Variants in PRKCA observed in about 807,000 individuals in gnomAD.
The protein encoded by PRKCA is protein kinase C alpha type.
PRKCA carries 27 observed loss-of-function variants against 87.0 expected under a neutral mutation model. That is an observed-to-expected ratio of 0.31 (90% CI 0.23 to 0.43). The LOEUF (loss-of-function observed/expected upper bound fraction) is 0.43. Ranked by LOEUF, PRKCA falls within the 20% of genes least tolerant of loss-of-function variation. The pLI is 1.00. For synonymous variants in PRKCA, 329 were observed against 311.1 expected, an observed-to-expected ratio of 1.06 and a Z score of -0.61; for missense variants, 518 against 852.3, an observed-to-expected ratio of 0.61 and a Z score of 4.88.
intron 8 of PRKCA, among the ~76,000 whole-genome samples, chr17:66,726,726 T>C (rs936362120): frequency 2.0e-5 from 3 of 149,634 alleles, no homozygotes; most frequent in Non-Finnish European, 1.5e-5. Context: ...AGGACCACTG[T>C]CTTTTTTTTT....
intron 5 of PRKCA, among the ~76,000 whole-genome samples, chr17:66,683,452 C>T (rs1028994005): frequency 6.6e-6 from 1 of 152,184 alleles, no homozygotes; most frequent in South Asian, 2.1e-4. Context: ...GGTGTCAACC[C>T]GGACCAAGTA....
Position 66,641,347 on chromosome 17 carries a change from C to T in PRKCA, c.289-8C>T, listed in dbSNP as rs1484287051. On this transcript the variant is annotated splice_polypyrimidine_tract_variant and splice_region_variant and intron_variant, in intron 3 of 16. Coordinates refer to ENST00000413366, the MANE Select transcript of PRKCA (RefSeq NM_002737.3). Reference sequence around the variant, plus strand: ...CTAAAATGAGCATTGTGCTTCTTCTCCTCCCAGGACCCCAGGAGCAAGCAC... The same window carrying T: ...CTAAAATGAGCATTGTGCTTCTTCTTCTCCCAGGACCCCAGGAGCAAGCAC... The T allele has an allele frequency of 6.2e-7, 1 of 1,601,882 alleles. No individual in the cohort carries two copies. The highest frequency in any genetic ancestry group is 8.5e-7 in the Non-Finnish European group (1 of 1,171,000).
At chr17:66,733,898 C>A (rs35740833) in intron 9 of PRKCA, among the ~76,000 whole-genome samples, 92,281 of 152,154 alleles carry the variant, frequency 0.61, 28,383 homozygotes, top group East Asian at 0.71. Context: ...GCTGCTGAAA[C>A]TGGCTTCAGG....
At chr17:66,711,057 A>AAAAT (rs922998446) in intron 8 of PRKCA, among the ~76,000 whole-genome samples, 66 of 151,842 alleles carry the variant, frequency 4.3e-4, no homozygotes, top group African/African-American at 1.2e-3. Context: ...ATAAATAAAT[A>AAAAT]AAATAAATAA....
At chr17:66,784,854 C>A (rs945858543) in intron 14 of PRKCA, among the ~76,000 whole-genome samples, 1 of 152,156 alleles carries the variant, frequency 6.6e-6, no homozygotes, top group Non-Finnish European at 1.5e-5. Context: ...CAGCCTGCAC[C>A]CCCTGGTGGG....
intron 3 of PRKCA, among the ~76,000 whole-genome samples, chr17:66,514,885 T>G (rs1226348141): frequency 6.6e-6 from 1 of 152,126 alleles, no homozygotes; most frequent in Non-Finnish European, 1.5e-5. Flanking sequence ...GGTTTCTGGT[T>G]TATCTGGATG....
intron 8 of PRKCA, among the ~76,000 whole-genome samples, chr17:66,729,698 G>A (rs1311793344): frequency 6.6e-6 from 1 of 151,434 alleles, no homozygotes; most frequent in Non-Finnish European, 1.5e-5. Flanking sequence ...ATGTTTTAAT[G>A]TCTCTGGTCA....
At chr17:66,576,318 A>G (rs1467173290) in intron 3 of PRKCA, among the ~76,000 whole-genome samples, 1 of 152,222 alleles carries the variant, frequency 6.6e-6, no homozygotes, top group South Asian at 2.1e-4. Flanking sequence ...TTCCACAGGT[A>G]TAGTACCAGC....
chr17:66,581,596 C>T (rs921809851), intron 3 of PRKCA, among the ~76,000 whole-genome samples: 1 of 152,296 alleles, frequency 6.6e-6, no homozygotes, highest in Admixed American at 6.5e-5. Context: ...CTGCCTCAGC[C>T]TCCCATGTAG....
At chr17:66,523,121 G>A (rs1159913072) in intron 3 of PRKCA, among the ~76,000 whole-genome samples, 1 of 152,084 alleles carries the variant, frequency 6.6e-6, no homozygotes, top group African/African-American at 2.4e-5. Context: ...GGTAGAGGTG[G>A]GCTTGGGTCA....
intron 16 of PRKCA, among the ~76,000 whole-genome samples, chr17:66,799,556 GTGGTGGTGGTGA>G (rs1424422556): frequency 1.7e-3 from 3 of 1,780 alleles, no homozygotes; most frequent in African/African-American, 9.8e-3. Context: ...GGTGGTGGTG[GTGGTGGTGGTGA>G]TGGTGGTGGT....
chr17:66,608,158 G>A (rs1970262417), intron 3 of PRKCA, among the ~76,000 whole-genome samples: 1 of 151,278 alleles, frequency 6.6e-6, no homozygotes, highest in Admixed American at 6.6e-5. Flanking sequence ...GGAGCACACT[G>A]ACTGAAGCAC....
intron 4 of PRKCA, among the ~76,000 whole-genome samples, chr17:66,645,063 G>T (rs199952786): frequency 6.6e-6 from 1 of 151,994 alleles, no homozygotes; most frequent in East Asian, 1.9e-4. Context: ...TATGAATTAG[G>T]CTGAGCTTTG....
chr17:66,501,046 AAC>A (rs1458617200), intron 3 of PRKCA, among the ~76,000 whole-genome samples: 2 of 152,172 alleles, frequency 1.3e-5, no homozygotes, highest in Non-Finnish European at 2.9e-5. Flanking sequence ...GGCAGACTCT[AAC>A]ACATTCACAG....
chr17:66,421,351 G>C (rs1331432073), intron 2 of PRKCA, among the ~76,000 whole-genome samples: 1 of 151,926 alleles, frequency 6.6e-6, no homozygotes, highest in Non-Finnish European at 1.5e-5. Context: ...GGAAGGAAGG[G>C]GCAGTCCCTT....
At chr17:66,605,658 A>G (rs1377583777) in intron 3 of PRKCA, among the ~76,000 whole-genome samples, 1 of 152,256 alleles carries the variant, frequency 6.6e-6, no homozygotes, top group African/African-American at 2.4e-5. Flanking sequence ...GGGTCATAGC[A>G]GCATCATTCA....
At chr17:66,410,345 A>G (rs1370661074) in intron 2 of PRKCA, among the ~76,000 whole-genome samples, 1 of 152,184 alleles carries the variant, frequency 6.6e-6, no homozygotes, top group South Asian at 2.1e-4. Flanking sequence ...TGAACTCACA[A>G]ATGGAAACTC....
At chr17:66,348,013 C>T (rs548321331) in intron 2 of PRKCA, among the ~76,000 whole-genome samples, 15 of 133,568 alleles carry the variant, frequency 1.1e-4, no homozygotes, top group South Asian at 7.7e-4. Context: ...CCAGTCTTAG[C>T]TCACTGCAAC....
intron 2 of PRKCA, among the ~76,000 whole-genome samples, chr17:66,340,847 G>A (rs1265954778): frequency 1.3e-5 from 2 of 152,136 alleles, no homozygotes; most frequent in Admixed American, 6.5e-5. Context: ...TGAGAAGGTA[G>A]GGTAGCCAGT....
Sources: gnomAD v4.1 joint callset for allele counts (sites outside exome capture counted in the v4.1 genomes callset) on GRCh38, gnomAD v4.1.1 for gene constraint, MANE v1.5 for transcripts, NCBI Gene and HGNC (gene_info 2026-07-23, HGNC 2026-07-21) for gene names.